The following SLCO1B3 variants were observed in gnomAD, a reference collection of about 807,000 sequenced individuals.
SLCO1B3 encodes liver-specific organic anion transporter 2.
A neutral mutation model predicts 71.8 loss-of-function variants in SLCO1B3; 72 were observed. That is an observed-to-expected ratio of 1.00 (90% CI 0.83 to 1.22). The LOEUF (loss-of-function observed/expected upper bound fraction) is 1.22. Among genes scored for constraint, SLCO1B3 ranks in the 50% most tolerant of loss-of-function variants. The pLI is 0.00. For missense variants in SLCO1B3, 911 were observed against 819.7 expected, an observed-to-expected ratio of 1.11 and a Z score of -1.36; for synonymous variants, 298 against 278.4, an observed-to-expected ratio of 1.07 and a Z score of -0.70.
At chr12:20,876,642 G>A (rs10841689) in intron 9 of SLCO1B3, among the ~76,000 whole-genome samples, 110,092 of 151,980 alleles carry the variant, frequency 0.72, 42,472 homozygotes, top group South Asian at 0.9. Context: ...AGAATTTACC[G>A]TCATGTATTA....
intron 3 of SLCO1B3, among the ~76,000 whole-genome samples, chr12:20,820,934 G>C (rs530970764): frequency 9.2e-5 from 14 of 152,112 alleles, no homozygotes; most frequent in East Asian, 3.9e-4. Flanking sequence ...TGGGGGAGGG[G>C]TAGTCATGGA....
In SLCO1B3 at chr12:20,880,989, G is replaced by A. The variant is rs762055285; in HGVS notation, c.1466G>A (p.Cys489Tyr). ...TACCTGTCACCTTGTCTAGCAGGAT[G>A]CAAATCCTCAAGTGGTATTAAAAAG... is the stretch of plus-strand genomic sequence containing the variant. ...ITYLSPCLAGCKSSSGIKKHT... is the reference protein window; with the variant it reads ...ITYLSPCLAGYKSSSGIKKHT... The change falls in exon 12 of 16, where the codon TGC becomes TAC. Residue 489 changes from cysteine (C) to tyrosine (Y), a missense_variant. Cys to Tyr is a radical substitution (Grantham distance 194). Transcript: ENST00000381545. 32 of 1,611,222 alleles carry A rather than the reference G, an allele frequency of 2.0e-5. No individual in the cohort carries two copies. The Admixed American group carries it at 5.2e-4, about 26-fold the overall frequency.
At chr12:20,836,109 C>T (rs575043759) in intron 3 of SLCO1B3, among the ~76,000 whole-genome samples, 1 of 152,152 alleles carries the variant, frequency 6.6e-6, no homozygotes, top group Admixed American at 6.5e-5. Context: ...GACTTATTCA[C>T]TATCACAAGA....
At chr12:20,858,283 G>C (rs1324242397) in intron 4 of SLCO1B3, among the ~76,000 whole-genome samples, 156 bp from the exon 5 acceptor site, 2 of 152,034 alleles carry the variant, frequency 1.3e-5, no homozygotes, top group African/African-American at 4.8e-5. Context: ...TCAATGAGTG[G>C]TTTAATGTAG....
chr12:20,851,979 T>C (rs187223447), intron 3 of SLCO1B3, among the ~76,000 whole-genome samples: 2 of 152,312 alleles, frequency 1.3e-5, no homozygotes, highest in Admixed American at 1.3e-4. Context: ...AGGCAACAGT[T>C]CATTTCTGAA....
intron 4 of SLCO1B3, 102 bp from the exon 5 acceptor site, chr12:20,858,337 G>T: frequency 2.6e-6 from 2 of 758,396 alleles, no homozygotes; most frequent in South Asian, 3.7e-5. Context: ...TTTGAGGGAA[G>T]GTACAATGTC....
At chr12:20,856,513 G>C (rs1161092680) in intron 4 of SLCO1B3, among the ~76,000 whole-genome samples, 1 of 152,254 alleles carries the variant, frequency 6.6e-6, no homozygotes. Context: ...ATGATATAAA[G>C]CATACAGGAG....
rs139307599 is a variant in SLCO1B3, at chr12:20,873,318, C to T, written c.728-1917C>T. On this transcript the variant is annotated intron_variant, in intron 8 of 15. Transcript: ENST00000381545. ...TATGTGGTCCAAATCTTTGTTTCCC[C>T]ATGGAGGAGCTAAGAGCTGAGATGT... Among the ~76,000 whole-genome samples the T allele has an allele frequency of 2.3e-3, 354 of 151,824 alleles. 1 individual carries two copies. Among genetic ancestry groups the T allele is most frequent in the African/African-American group, 8.2e-3 (340 of 41,490 alleles).
At chr12:20,830,204 C>T (rs933865312) in intron 3 of SLCO1B3, among the ~76,000 whole-genome samples, 5 of 152,112 alleles carry the variant, frequency 3.3e-5, no homozygotes, top group African/African-American at 1.2e-4. Context: ...AGGTTAGGGC[C>T]ATCTCCACTA....
intron 4 of SLCO1B3, among the ~76,000 whole-genome samples, chr12:20,856,802 T>A (rs1865149213): frequency 6.6e-6 from 1 of 152,108 alleles, no homozygotes. Flanking sequence ...TCAAGTGATC[T>A]GCTAGCCTCA....
At chr12:20,864,089 C>T (rs185453401) in intron 8 of SLCO1B3, among the ~76,000 whole-genome samples, 43 of 152,198 alleles carry the variant, frequency 2.8e-4, no homozygotes, top group African/African-American at 1.0e-3. Flanking sequence ...TTACTATGCC[C>T]TGTAATCTCA....
intron 3 of SLCO1B3, chr12:20,845,228 T>A: frequency 4.4e-6 from 2 of 454,306 alleles, no homozygotes; most frequent in Non-Finnish European, 4.4e-6. Context: ...AAGATGGTCT[T>A]GTATGATTCT....
chr12:20,870,599 C>T (rs980253736), intron 8 of SLCO1B3, among the ~76,000 whole-genome samples: 6 of 152,104 alleles, frequency 3.9e-5, no homozygotes, highest in Admixed American at 6.6e-5. Flanking sequence ...AATTATTTCA[C>T]TATCGTGGTC....
chr12:20,912,299 A>ATTTT (rs1277128198), intron 15 of SLCO1B3, among the ~76,000 whole-genome samples: 13 of 136,738 alleles, frequency 9.5e-5, no homozygotes, highest in African/African-American at 3.4e-4. Context: ...TTTTATTTTT[A>ATTTT]TTTTTATTTA....
intron 3 of SLCO1B3, among the ~76,000 whole-genome samples, chr12:20,847,618 T>C (rs576931192): frequency 6.6e-6 from 1 of 152,156 alleles, no homozygotes; most frequent in East Asian, 1.9e-4. Context: ...CAAAGTTCAG[T>C]GGCAACCTTA....
At chr12:20,872,468 T>C (rs1865493482) in intron 8 of SLCO1B3, among the ~76,000 whole-genome samples, 1 of 152,114 alleles carries the variant, frequency 6.6e-6, no homozygotes, top group South Asian at 2.1e-4. Flanking sequence ...AAGTCGCCTT[T>C]ATTTTTCCAC....
intron 3 of SLCO1B3, among the ~76,000 whole-genome samples, chr12:20,844,605 C>A (rs1864871368): frequency 6.6e-6 from 1 of 151,944 alleles, no homozygotes. Context: ...TAATTGATAA[C>A]CCCCAAATCA....
intron 2 of SLCO1B3, among the ~76,000 whole-genome samples, chr12:20,814,709 T>G (rs1189771928): frequency 6.6e-6 from 1 of 151,984 alleles, no homozygotes; most frequent in African/African-American, 2.4e-5. Flanking sequence ...GCTAACACGG[T>G]GAAACCCTGT....
intron 3 of SLCO1B3, among the ~76,000 whole-genome samples, chr12:20,841,079 A>T (rs574686657): frequency 2.0e-5 from 3 of 150,572 alleles, no homozygotes; most frequent in Admixed American, 6.6e-5. Flanking sequence ...ATTATAGTAC[A>T]TTTTTTTTTC....
Sources: gnomAD v4.1 joint callset for allele counts (sites outside exome capture counted in the v4.1 genomes callset) on GRCh38, gnomAD v4.1.1 for gene constraint, MANE v1.5 for transcripts, NCBI Gene and HGNC (gene_info 2026-07-23, HGNC 2026-07-21) for gene names.